The following SLC2A9 variants were observed in gnomAD, a reference collection of about 807,000 sequenced individuals.
SLC2A9 encodes solute carrier family 2 member 9, also known as solute carrier family 2, facilitated glucose transporter member 9.
SLC2A9 carries 39 observed loss-of-function variants against 50.6 expected under a neutral mutation model. That is an observed-to-expected ratio of 0.77 (90% CI 0.60 to 1.01). SLC2A9 has a LOEUF of 1.01. Among genes scored for constraint, SLC2A9 ranks in the 50% least tolerant of loss-of-function variants. SLC2A9 has a pLI of 0.00. For synonymous variants in SLC2A9, 324 were observed against 276.9 expected (o/e 1.17, Z -1.69); for missense variants, 686 against 677.6 (o/e 1.01, Z -0.14).
chr4:9,888,363 T>C (rs1232883342), intron 9 of SLC2A9, among the ~76,000 whole-genome samples: 3 of 151,990 alleles, frequency 2.0e-5, no homozygotes, highest in Non-Finnish European at 4.4e-5. Flanking sequence ...ATCTTAGTTC[T>C]GATATTATTA....
At chr4:9,979,525 AG>A (rs2012153425) in intron 5 of SLC2A9, among the ~76,000 whole-genome samples, 1 of 152,108 alleles carries the variant, frequency 6.6e-6, no homozygotes, top group South Asian at 2.1e-4. Flanking sequence ...ATCCCCTGGG[AG>A]GAATCCTAGC....
At chr4:10,012,843 A>C (rs1001725350) in intron 2 of SLC2A9, among the ~76,000 whole-genome samples, 1 of 152,152 alleles carries the variant, frequency 6.6e-6, no homozygotes, top group Non-Finnish European at 1.5e-5. Flanking sequence ...GAGTGGTCAC[A>C]TCTGTCATGT....
upstream of SLC2A9, among the ~76,000 whole-genome samples, chr4:10,022,209 T>C (rs1162773462): frequency 1.3e-5 from 2 of 152,222 alleles, no homozygotes; most frequent in Non-Finnish European, 2.9e-5. Context: ...CTTCTACCAC[T>C]GCAAAATGGA....
chr4:10,017,415 G>A (rs752885525), intron 2 of SLC2A9, among the ~76,000 whole-genome samples: 14 of 152,186 alleles, frequency 9.2e-5, no homozygotes, highest in Admixed American at 3.3e-4. Context: ...TTGGAATGAC[G>A]TCACAATGAC....
At chr4:9,795,164 C>T (rs1720449086), downstream of SLC2A9, among the ~76,000 whole-genome samples, 1 of 151,946 alleles carries the variant, frequency 6.6e-6, no homozygotes, top group Admixed American at 6.6e-5. Context: ...GTGCACGCCC[C>T]CACACTCAGC....
chr4:9,886,022 A>G (rs1404751820), intron 10 of SLC2A9, among the ~76,000 whole-genome samples: 1 of 152,202 alleles, frequency 6.6e-6, no homozygotes, highest in Non-Finnish European at 1.5e-5. Flanking sequence ...GGGTGATGAG[A>G]TAGAGGGTAG....
chr4:9,986,099 T>C (rs1194818934), intron 3 of SLC2A9, among the ~76,000 whole-genome samples: 1 of 152,248 alleles, frequency 6.6e-6, no homozygotes, highest in Non-Finnish European at 1.5e-5. Context: ...TTACAATTCG[T>C]GAGTCAGGGT....
intron 3 of SLC2A9, among the ~76,000 whole-genome samples, chr4:9,791,253 T>C (rs1248301674): frequency 6.6e-6 from 1 of 152,228 alleles, no homozygotes; most frequent in East Asian, 1.9e-4. Context: ...ATTAGTGGAA[T>C]ACAAAATTAA....
chr4:9,774,514 CA>C (rs1435714842), intron 1 of SLC2A9, among the ~76,000 whole-genome samples: 2 of 152,202 alleles, frequency 1.3e-5, no homozygotes, highest in Non-Finnish European at 2.9e-5. Flanking sequence ...GCCCACCAAA[CA>C]GGCTGTCCCT....
intron 1 of SLC2A9, among the ~76,000 whole-genome samples, chr4:10,039,189 A>G (rs1331032686): frequency 6.6e-6 from 1 of 152,256 alleles, no homozygotes; most frequent in East Asian, 1.9e-4. Context: ...AACAGTTTTC[A>G]GTAGAACTGC....
chr4:9,813,202 T>C (rs1217434188), intron 3 of SLC2A9, among the ~76,000 whole-genome samples: 1 of 152,164 alleles, frequency 6.6e-6, no homozygotes, highest in Non-Finnish European at 1.5e-5. Flanking sequence ...GTTGCAGAAA[T>C]ATTTAGGAAG....
At chr4:9,910,907 CA>C (rs1466130072) in intron 7 of SLC2A9, among the ~76,000 whole-genome samples, 1 of 150,976 alleles carries the variant, frequency 6.6e-6, no homozygotes, top group African/African-American at 2.4e-5. Context: ...AACAGAAAAC[CA>C]AACACCACAT....
intron 10 of SLC2A9, among the ~76,000 whole-genome samples, chr4:9,857,202 C>G (rs951237420): frequency 6.6e-6 from 1 of 152,192 alleles, no homozygotes; most frequent in African/African-American, 2.4e-5. Flanking sequence ...TAGCTCAGAA[C>G]CTGGGTTCCC....
At chr4:9,908,455 A>G in intron 7 of SLC2A9, 110 bp from the exon 8 acceptor site, 1 of 754,452 alleles carries the variant, frequency 1.3e-6, no homozygotes, top group Non-Finnish European at 2.4e-6. Context: ...TCAGAGTCCC[A>G]AGGTGGAGAG....
At chr4:9,999,264 T>C (rs138388695) in intron 2 of SLC2A9, among the ~76,000 whole-genome samples, 46 of 152,202 alleles carry the variant, frequency 3.0e-4, no homozygotes, top group African/African-American at 4.3e-4. Context: ...TCTCGCCATG[T>C]TCCCCAAGGC....
At chr4:10,002,653 G>C (rs1760047110) in intron 2 of SLC2A9, among the ~76,000 whole-genome samples, 1 of 152,318 alleles carries the variant, frequency 6.6e-6, no homozygotes, top group East Asian at 1.9e-4. Context: ...AGGAGTTTGA[G>C]ACTAGCCTGG....
Position 9,783,067 on chromosome 4 carries a change from G to C in SLC2A9, n.386-3002C>G, listed in dbSNP as rs751202131. 5.0e-6 allele frequency: 8 copies of C among 1,614,204 alleles called. No individual in the cohort carries two copies. The South Asian group carries it at 8.8e-5, about 18-fold the overall frequency. On this transcript the variant is annotated intron_variant and non_coding_transcript_variant, in intron 3 of 3. Transcript: ENST00000503803. ...AGACCACCTTCGACGTCTTCGTCTGGTTCGGCTGGGCTAACTCCTCACTCA... is the reference window on the plus strand; with the variant it reads ...AGACCACCTTCGACGTCTTCGTCTGCTTCGGCTGGGCTAACTCCTCACTCA...
At chr4:9,959,949 A>G (rs1751991073) in intron 5 of SLC2A9, among the ~76,000 whole-genome samples, 1 of 152,154 alleles carries the variant, frequency 6.6e-6, no homozygotes, top group Non-Finnish European at 1.5e-5. Flanking sequence ...AGGCAGGGAG[A>G]TAATTTATTT....
chr4:10,021,581 G>A (rs1337970473), upstream of SLC2A9: 10 of 1,177,926 alleles, frequency 8.5e-6, no homozygotes, highest in Non-Finnish European at 1.2e-5. Context: ...AGGCAACGGG[G>A]CAACATTTTT....
Sources: allele counts gnomAD v4.1 joint callset (sites outside exome capture counted in the v4.1 genomes callset), GRCh38; gene constraint gnomAD v4.1.1; transcripts MANE v1.5; gene names NCBI Gene and HGNC (gene_info 2026-07-23, HGNC 2026-07-21).